The following PPCDC variants were observed in gnomAD, a reference collection of about 807,000 sequenced individuals.
The protein encoded by PPCDC is phosphopantothenoylcysteine decarboxylase.
Under a neutral mutation model 20.7 loss-of-function variants are expected in PPCDC, and 20 were observed. That is an observed-to-expected ratio of 0.97 (90% CI 0.68 to 1.41). The LOEUF is 1.41. Among genes scored for constraint, PPCDC ranks in the 40% most tolerant of loss-of-function variants. The pLI is 0.00. For missense variants in PPCDC, 246 were observed against 263.8 expected (o/e 0.93, Z 0.47); for synonymous variants, 88 against 100.3 (o/e 0.88, Z 0.73).
intron 2 of PPCDC, among the ~76,000 whole-genome samples, chr15:75,029,884 A>G (rs183391135): frequency 5.6e-4 from 85 of 152,234 alleles, no homozygotes; most frequent in Admixed American, 4.9e-3. Flanking sequence ...GGGGAGTCCT[A>G]TCCCAGGAAA....
At chr15:75,031,064 C>T (rs1383864005) in intron 2 of PPCDC, among the ~76,000 whole-genome samples, 2 of 152,112 alleles carry the variant, frequency 1.3e-5, no homozygotes, top group Admixed American at 1.3e-4. Flanking sequence ...ACGCTGGGAC[C>T]CTGGGCAAGT....
chr15:75,039,544 C>T (rs1040790396), intron 2 of PPCDC, among the ~76,000 whole-genome samples: 5 of 152,224 alleles, frequency 3.3e-5, no homozygotes, highest in African/African-American at 9.7e-5. Context: ...CTATCTGCCT[C>T]ATGCTCACCT....
At chr15:75,027,328 G>T (rs562357186) in intron 1 of PPCDC, among the ~76,000 whole-genome samples, 6 of 152,102 alleles carry the variant, frequency 3.9e-5, no homozygotes, top group Non-Finnish European at 7.4e-5. Flanking sequence ...GGCCCAACCC[G>T]CCACGTGTAG....
At chr15:75,036,210 C>T (rs999156003) in intron 2 of PPCDC, among the ~76,000 whole-genome samples, 3 of 152,054 alleles carry the variant, frequency 2.0e-5, no homozygotes, top group Non-Finnish European at 2.9e-5. Flanking sequence ...AATGAGTAAA[C>T]GGTCAGAATT....
At chr15:75,029,932 C>T (rs1244369069) in intron 2 of PPCDC, among the ~76,000 whole-genome samples, 1 of 152,196 alleles carries the variant, frequency 6.6e-6, no homozygotes, top group Non-Finnish European at 1.5e-5. Flanking sequence ...AATGGCAACC[C>T]TACCGCTTCC....
intron 2 of PPCDC, among the ~76,000 whole-genome samples, chr15:75,040,675 T>G (rs1344372525): frequency 1.3e-5 from 2 of 152,190 alleles, no homozygotes; most frequent in Non-Finnish European, 2.9e-5. Flanking sequence ...TTTATTTTTT[T>G]TGGAGTTAGG....
At chr15:75,027,693 C>T (rs2065973829) in intron 1 of PPCDC, among the ~76,000 whole-genome samples, 2 of 152,210 alleles carry the variant, frequency 1.3e-5, no homozygotes, top group African/African-American at 2.4e-5. Context: ...CCCTTTGACA[C>T]TGTCACCAGG....
rs940102545 is a variant in PPCDC, at chr15:75,050,577, G to A, written c.*1342G>A. 2 of 152,262 alleles carry A rather than the reference G, an allele frequency of 1.3e-5. No individual in the cohort carries two copies. The highest frequency in any genetic ancestry group is 6.5e-5 in the Admixed American group (1 of 15,288). The allele number at this position is 152,262 out of a possible 1,614,324, so 9.4% of individuals were successfully genotyped here. ...GGGCTCTGAGAGCACTGAGAGTAGA[G>A]GTGCCTTGAGGGGACCAGGAAGCCT... On this transcript the variant is annotated 3_prime_UTR_variant, in exon 6 of 6. Transcript: ENST00000342932.
At chr15:75,029,812 G>T (rs367975699) in intron 2 of PPCDC, among the ~76,000 whole-genome samples, 6 of 152,338 alleles carry the variant, frequency 3.9e-5, no homozygotes, top group African/African-American at 1.4e-4. Context: ...AGGGAGCCAT[G>T]CAGTTCCCTT....
At chr15:75,028,174 G>A in intron 1 of PPCDC, 73 bp from the exon 2 acceptor site, 1 of 1,109,062 alleles carries the variant, frequency 9.0e-7, no homozygotes, top group East Asian at 2.6e-5. Context: ...CTGGCCTGGG[G>A]CCTAATACGT....
At chr15:75,031,877 C>T (rs779065411) in intron 2 of PPCDC, among the ~76,000 whole-genome samples, 3 of 151,508 alleles carry the variant, frequency 2.0e-5, no homozygotes, top group Admixed American at 6.6e-5. Flanking sequence ...GGGGTGGTGG[C>T]GACACAAGTT....
Position 75,049,310 on chromosome 15 carries a change from C to A in PPCDC, c.*75C>A. The A allele has an allele frequency of 7.2e-7, 1 of 1,395,892 alleles. No homozygotes were observed. The highest frequency in any genetic ancestry group is 1.0e-6 in the Non-Finnish European group (1 of 992,370). The allele number at this position is 1,395,892 out of a possible 1,614,324, so 86.5% of individuals were successfully genotyped here. A position where few individuals can be genotyped will look rare whatever the true frequency, so the allele number is the denominator to read the frequency against. ...CCAAGTCGGTGAAGATGGATGTTGG[C>A]AAAATAGGAGGATACCCTCATTTGC... is the stretch of plus-strand genomic sequence containing the variant. On this transcript the variant is annotated 3_prime_UTR_variant, in exon 6 of 6. Transcript: ENST00000342932.
chr15:75,048,028 G>A (rs2066260815), intron 4 of PPCDC, among the ~76,000 whole-genome samples: 2 of 152,182 alleles, frequency 1.3e-5, no homozygotes, highest in African/African-American at 4.8e-5. Flanking sequence ...TCAGGGAGCA[G>A]CTCCCTATCT....
rs1373678807 is a variant in PPCDC, at chr15:75,049,785, G to A, written c.*550G>A. Reference sequence around the variant, plus strand: ...CCTACAACCCAGCTGTGGTCCCAGAGATCAGGGGGTGTTGCCAGGTGTGGC... The same window carrying A: ...CCTACAACCCAGCTGTGGTCCCAGAAATCAGGGGGTGTTGCCAGGTGTGGC... On this transcript the variant is annotated 3_prime_UTR_variant, in exon 6 of 6. Transcript: ENST00000342932. 6.5e-6 allele frequency: 1 copy of A among 153,350 alleles called. No homozygotes were observed. The highest frequency in any genetic ancestry group is 2.4e-5 in the African/African-American group (1 of 41,476). The allele number at this position is 153,350 out of a possible 1,614,324, so 9.5% of individuals were successfully genotyped here.
At chr15:75,029,858 AG>A (rs1278617386) in intron 2 of PPCDC, among the ~76,000 whole-genome samples, 2 of 152,208 alleles carry the variant, frequency 1.3e-5, no homozygotes, top group Non-Finnish European at 2.9e-5. Context: ...TTTCCGGACT[AG>A]GGGTGGATAG....
Position 75,050,381 on chromosome 15 carries a change from T to TCCAGAGACACCATGCACTCTGGC in PPCDC, c.*1152_*1174dup, listed in dbSNP as rs1410103671. ...AGTACACATGACCAAGGGAAGTAGA[T>TCCAGAGACACCATGCACTCTGGC]CCAGAGACACCATGCACTCTGGCCC... On this transcript the variant is annotated 3_prime_UTR_variant, in exon 6 of 6. Transcript: ENST00000342932. 6.6e-6 allele frequency: 1 copy of TCCAGAGACACCATGCACTCTGGC among 152,284 alleles called. No homozygotes were observed. Among genetic ancestry groups the TCCAGAGACACCATGCACTCTGGC allele is most frequent in the East Asian group, 1.9e-4 (1 of 5,200 alleles). 9.4% of individuals were successfully genotyped at this position (152,284 alleles called of 1,614,324 possible).
At position 75,024,587 on chromosome 15, in the gene PPCDC, C is replaced by G. The variant is rs1170247871; in HGVS notation, c.-73+961C>G. On this transcript the variant is annotated intron_variant, in intron 1 of 5. Transcript: ENST00000342932. The stretch of plus-strand genomic sequence containing the variant: ...CCAGGCTGGTCTCAAACTCCTGGCT[C>G]AAGCTATCCTCCTTCCTTGGCCTCT... 3.3e-5 allele frequency among the ~76,000 whole-genome samples: 5 copies of G among 151,864 alleles called. No homozygotes were observed. In the South Asian group the frequency reaches 1.0e-3, roughly 31 times the overall value.
At chr15:75,036,277 G>A (rs2066083927) in intron 2 of PPCDC, among the ~76,000 whole-genome samples, 1 of 152,188 alleles carries the variant, frequency 6.6e-6, no homozygotes, top group Non-Finnish European at 1.5e-5. Context: ...TTATTTTAAT[G>A]TGTACAGGGC....
intron 2 of PPCDC, among the ~76,000 whole-genome samples, chr15:75,032,726 C>CG (rs1287413467): frequency 4.2e-5 from 5 of 117,752 alleles, no homozygotes; most frequent in South Asian, 5.7e-4. Flanking sequence ...CAAACTGGAC[C>CG]CCCCCCCCCA....
Sources: allele counts gnomAD v4.1 joint callset (sites outside exome capture counted in the v4.1 genomes callset), GRCh38; gene constraint gnomAD v4.1.1; transcripts MANE v1.5; gene names NCBI Gene and HGNC (gene_info 2026-07-23, HGNC 2026-07-21).